Variants in PTPRD observed in about 807,000 individuals in gnomAD.
The protein encoded by PTPRD is protein tyrosine phosphatase receptor type D, also known as receptor-type tyrosine-protein phosphatase delta.
PTPRD carries 34 observed loss-of-function variants against 214.5 expected under a neutral mutation model. The ratio of observed to expected loss-of-function variants is 0.16; its 90% CI spans 0.12 to 0.21. PTPRD has a LOEUF of 0.21. Ranked by LOEUF, PTPRD falls within the 10% of genes least tolerant of loss-of-function variation. The pLI, the probability that PTPRD is intolerant of heterozygous loss-of-function variation, is 1.00. For synonymous variants in PTPRD, 1,128 were observed against 845.7 expected, an observed-to-expected ratio of 1.33 and a Z score of -5.79; for missense variants, 2,545 against 2,398.7, an observed-to-expected ratio of 1.06 and a Z score of -1.27.
chr9:10,278,772 G>C (rs552904084), intron 3 of PTPRD, among the ~76,000 whole-genome samples: 2 of 143,198 alleles, frequency 1.4e-5, no homozygotes, highest in East Asian at 2.0e-4. Flanking sequence ...TTTTTTTTTT[G>C]TTTTGTTTTG....
At chr9:10,527,642 T>G (rs148126315) in intron 2 of PTPRD, among the ~76,000 whole-genome samples, 28 of 152,228 alleles carry the variant, frequency 1.8e-4, no homozygotes, top group African/African-American at 6.5e-4. Context: ...ATTTGAGAAT[T>G]TCCCCTAAAA....
At chr9:8,954,348 G>A (rs896534579) in intron 11 of PTPRD, among the ~76,000 whole-genome samples, 6 of 151,850 alleles carry the variant, frequency 4.0e-5, no homozygotes, top group Admixed American at 6.6e-5. Flanking sequence ...TACTACATGG[G>A]AGAAAGGCAG....
At chr9:9,483,963 T>C (rs1166429474) in intron 8 of PTPRD, among the ~76,000 whole-genome samples, 1 of 151,774 alleles carries the variant, frequency 6.6e-6, no homozygotes, top group Non-Finnish European at 1.5e-5. Flanking sequence ...ACCTACAGGT[T>C]TTCTGTGCTA....
chr9:9,105,229 G>T (rs1056996009), intron 10 of PTPRD, among the ~76,000 whole-genome samples: 1 of 152,250 alleles, frequency 6.6e-6, no homozygotes. Flanking sequence ...GCTCTTGAGA[G>T]GTGGCCTTAT....
chr9:10,375,700 C>T (rs1184385230), intron 2 of PTPRD, among the ~76,000 whole-genome samples: 1 of 151,848 alleles, frequency 6.6e-6, no homozygotes, highest in Non-Finnish European at 1.5e-5. Context: ...GTTACTTTCC[C>T]TTTGAGGAGA....
chr9:9,420,711 C>T (rs2078462781), intron 8 of PTPRD, among the ~76,000 whole-genome samples: 1 of 151,754 alleles, frequency 6.6e-6, no homozygotes, highest in African/African-American at 2.4e-5. Flanking sequence ...TATATGACGA[C>T]GTACAACATA....
intron 3 of PTPRD, among the ~76,000 whole-genome samples, chr9:10,117,703 T>G (rs1392066334): frequency 6.6e-6 from 1 of 151,550 alleles, no homozygotes; most frequent in African/African-American, 2.4e-5. Flanking sequence ...AGACCCTATT[T>G]TCAGTTAAGG....
At chr9:8,556,080 CAGAAGG>C (rs2083660377) in intron 14 of PTPRD, among the ~76,000 whole-genome samples, 1 of 152,188 alleles carries the variant, frequency 6.6e-6, no homozygotes, top group Non-Finnish European at 1.5e-5. Flanking sequence ...TTTTACAGCA[CAGAAGG>C]CAAGAATTTC....
chr9:9,550,549 T>C (rs1353417067), intron 8 of PTPRD, among the ~76,000 whole-genome samples: 1 of 149,152 alleles, frequency 6.7e-6, no homozygotes, highest in Non-Finnish European at 1.5e-5. Context: ...AGCATATATA[T>C]ATTATATAAT....
intron 5 of PTPRD, among the ~76,000 whole-genome samples, chr9:9,908,207 C>G (rs2078151731): frequency 6.6e-6 from 1 of 151,890 alleles, no homozygotes; most frequent in South Asian, 2.1e-4. Context: ...AATTAAATAC[C>G]TCTCTGGAAT....
intron 9 of PTPRD, among the ~76,000 whole-genome samples, chr9:9,363,639 G>A (rs113832433): frequency 0.021 from 3,222 of 151,312 alleles, 62 homozygotes; most frequent in Non-Finnish European, 0.032. Flanking sequence ...TAGCTAAGTG[G>A]AAGTGGTCTT....
intron 39 of PTPRD, among the ~76,000 whole-genome samples, chr9:8,358,807 C>G (rs1216466250): frequency 1.3e-5 from 2 of 151,540 alleles, no homozygotes; most frequent in African/African-American, 4.8e-5. Context: ...TTTAAATCCT[C>G]TCAGGAAAAA....
At position 10,548,797 on chromosome 9, in the gene PTPRD, G is replaced by C. The variant is rs548586927; in HGVS notation, c.-600+63601C>G. On this transcript the variant is annotated intron_variant, in intron 2 of 45. Transcript: ENST00000381196. ...CTCCAGGAGAACTGCCAATGTCACA[G>C]ACAAAAGGTTTCAGCATAATTATAA... Among the ~76,000 whole-genome samples the C allele has an allele frequency of 2.0e-5, 3 of 152,240 alleles. No individual in the cohort carries two copies. In the East Asian group the frequency reaches 5.8e-4, roughly 29 times the overall value.
At chr9:10,593,277 A>G (rs1391833821) in intron 2 of PTPRD, among the ~76,000 whole-genome samples, 1 of 151,994 alleles carries the variant, frequency 6.6e-6, no homozygotes, top group African/African-American at 2.4e-5. Context: ...TTGCATTTCG[A>G]ACAAGCTCCC....
chr9:9,261,841 G>A (rs116241089), intron 9 of PTPRD, among the ~76,000 whole-genome samples: 14 of 151,772 alleles, frequency 9.2e-5, no homozygotes, highest in South Asian at 2.1e-4. Flanking sequence ...AGGAGTGGAA[G>A]TGAGAAAGAA....
In PTPRD at chr9:10,359,638, C is replaced by G. The variant is rs537844368; in HGVS notation, c.-599-18621G>C. Reference sequence around the variant, plus strand: ...AGTGTAATGGGTTGAACATAAATCTCGAAAATATCTGTTTTATAATTAAAA... The same window carrying G: ...AGTGTAATGGGTTGAACATAAATCTGGAAAATATCTGTTTTATAATTAAAA... On this transcript the variant is annotated intron_variant, in intron 2 of 45. Coordinates refer to ENST00000381196, the MANE Select transcript of PTPRD (RefSeq NM_002839.4). Among the ~76,000 whole-genome samples, 19 of 152,094 alleles carry G rather than the reference C, an allele frequency of 1.2e-4. No homozygotes were observed. In the East Asian group the frequency reaches 3.3e-3, roughly 26 times the overall value.
At chr9:10,364,016 T>TTTTTTTTGAGATGGAG (rs2097458281) in intron 2 of PTPRD, among the ~76,000 whole-genome samples, 2 of 142,954 alleles carry the variant, frequency 1.4e-5, no homozygotes, top group African/African-American at 5.4e-5. Flanking sequence ...TTTTTTTTTT[T>TTTTTTTTGAGATGGAG]TGAGATGGAG....
At chr9:9,941,418 G>A (rs1400367251) in intron 4 of PTPRD, among the ~76,000 whole-genome samples, 2 of 152,136 alleles carry the variant, frequency 1.3e-5, no homozygotes, top group Middle Eastern at 3.2e-3. Context: ...TGCCTCTTGG[G>A]TTCAAGTGAT....
chr9:9,931,354 G>T (rs967242793), intron 5 of PTPRD, among the ~76,000 whole-genome samples: 1 of 152,326 alleles, frequency 6.6e-6, no homozygotes, highest in Non-Finnish European at 1.5e-5. Flanking sequence ...AGTGGGCGCA[G>T]GTCAGTGGGT....
Sources: allele counts gnomAD v4.1 joint callset (sites outside exome capture counted in the v4.1 genomes callset), GRCh38; gene constraint gnomAD v4.1.1; transcripts MANE v1.5; gene names NCBI Gene and HGNC (gene_info 2026-07-23, HGNC 2026-07-21).